The following NF1 variants were observed in gnomAD, a reference collection of about 807,000 sequenced individuals.
The protein encoded by NF1 is neurofibromin 1, also known as neurofibromin.
NF1 carries 122 observed loss-of-function variants against 325.7 expected under a neutral mutation model. The ratio of observed to expected loss-of-function variants is 0.37; its 90% CI spans 0.32 to 0.44. The LOEUF is 0.44. Ranked by LOEUF, NF1 falls within the 20% of genes least tolerant of loss-of-function variation. The probability of loss-of-function intolerance (pLI) is 1.00; values close to 1 mark genes in which losing one functional copy is unlikely to be tolerated. For missense variants in NF1, 2,140 were observed against 3,415.4 expected (o/e 0.63, Z 9.31); for synonymous variants, 1,091 against 1,186.0 (o/e 0.92, Z 1.65).
chr17:31,152,135 A>C (rs907115699), intron 1 of NF1, among the ~76,000 whole-genome samples: 14 of 150,394 alleles, frequency 9.3e-5, no homozygotes, highest in African/African-American at 3.2e-4. Context: ...TTGTTTTCTG[A>C]CATAAAATTT....
rs2143774913 is a variant in NF1 at position 31,181,501 on chromosome 17, C to G, written c.654+12C>G. The G allele has an allele frequency of 6.2e-7, 1 of 1,612,030 alleles. No individual in the cohort carries two copies. Among genetic ancestry groups the G allele is most frequent in the Non-Finnish European group, 8.5e-7 (1 of 1,178,390 alleles). ...ATAGCCTGGAAAAGGTAAGTTACAACCTCTCTGGTATTAAAATTTTGTTTT... is the reference window on the plus strand; with the variant it reads ...ATAGCCTGGAAAAGGTAAGTTACAAGCTCTCTGGTATTAAAATTTTGTTTT... On this transcript the variant is annotated intron_variant, in intron 6 of 57. Transcript: ENST00000358273.
At chr17:31,280,432 G>C (rs997018430) in intron 36 of NF1, among the ~76,000 whole-genome samples, 4 of 148,286 alleles carry the variant, frequency 2.7e-5, no homozygotes, top group African/African-American at 1.0e-4. Flanking sequence ...CAGGAGAATC[G>C]CTTGAACCCG....
At chr17:31,263,554 C>T (rs1320158929) in intron 35 of NF1, among the ~76,000 whole-genome samples, 2 of 150,758 alleles carry the variant, frequency 1.3e-5, no homozygotes, top group Admixed American at 6.6e-5. Context: ...CTGAGGACAT[C>T]CTAGCCATTT....
chr17:31,220,279 GT>G lies in NF1; in HGVS notation c.1641+1164del, dbSNP rs1203139601. ...ATGTTTATACATACCCAGTAAAAAT[GT>G]TTATAAAAATATTTTAGCACTTACT... On this transcript the variant is annotated intron_variant, in intron 14 of 57. Transcript: ENST00000358273. 5.9e-5 allele frequency among the ~76,000 whole-genome samples: 9 copies of G among 152,204 alleles called. No individual in the cohort carries two copies. The East Asian group carries it at 1.7e-3, about 29-fold the overall frequency.
chr17:31,165,994 G>C (rs1224036167), intron 4 of NF1, among the ~76,000 whole-genome samples: 1 of 152,134 alleles, frequency 6.6e-6, no homozygotes, highest in East Asian at 1.9e-4. Flanking sequence ...TGCCTGGCTG[G>C]CTATAAATCT....
intron 13 of NF1, among the ~76,000 whole-genome samples, chr17:31,215,577 C>T (rs908130837): frequency 6.6e-6 from 1 of 152,098 alleles, no homozygotes; most frequent in Non-Finnish European, 1.5e-5. Flanking sequence ...GGAACAATGC[C>T]TGGTGCATAA....
intron 36 of NF1, among the ~76,000 whole-genome samples, chr17:31,310,940 C>CTTTTTT (rs77429998): frequency 1.5e-5 from 2 of 130,892 alleles, no homozygotes; most frequent in Non-Finnish European, 3.3e-5. Context: ...AAGACATGTT[C>CTTTTTT]TTTTTTTTTT....
At chr17:31,237,656 C>CTTTTTTT (rs34107657) in intron 29 of NF1, among the ~76,000 whole-genome samples, 1 of 126,098 alleles carries the variant, frequency 7.9e-6, no homozygotes, top group African/African-American at 3.0e-5. Context: ...CTCATGTCTA[C>CTTTTTTT]TTTTTTTTTT....
intron 36 of NF1, chr17:31,318,606 T>C: frequency 6.2e-7 from 1 of 1,614,090 alleles, no homozygotes; most frequent in Middle Eastern, 1.7e-4. Context: ...TTAAGCAAAT[T>C]AGCATAGCCA....
At chr17:31,219,519 C>T (rs1008473046) in intron 14 of NF1, among the ~76,000 whole-genome samples, 3 of 151,638 alleles carry the variant, frequency 2.0e-5, no homozygotes, top group Non-Finnish European at 4.4e-5. Context: ...TTTTAGGTTA[C>T]ATGCGCACAA....
At chr17:31,183,532 T>C (rs1306969859) in intron 8 of NF1, 1 of 152,258 alleles carries the variant, frequency 6.6e-6, no homozygotes. Context: ...TTTTCCATTA[T>C]GAGGACACCA....
At chr17:31,135,395 T>A (rs764379972) in intron 1 of NF1, among the ~76,000 whole-genome samples, 21 of 152,286 alleles carry the variant, frequency 1.4e-4, no homozygotes, top group Non-Finnish European at 2.4e-4. Flanking sequence ...TTCTTAACTA[T>A]CAATATTTCT....
In NF1 at chr17:31,224,568, C is replaced by A. The variant is rs17883744; in HGVS notation, c.1846-527C>A. Among the ~76,000 whole-genome samples, 1,192 of 152,194 alleles carry A rather than the reference C, an allele frequency of 7.8e-3. 20 individuals carry two copies. Among genetic ancestry groups the A allele is most frequent in the African/African-American group, 0.027 (1,142 of 41,542 alleles). ...TAGACTTCAGACTTTCATGGCCTCG[C>A]CTATGGTATAATCTCCAGAATGTGA... is the stretch of plus-strand genomic sequence containing the variant. On this transcript the variant is annotated intron_variant, in intron 16 of 57. Coordinates refer to ENST00000358273, the MANE Select transcript of NF1 (RefSeq NM_001042492.3).
At position 31,336,679 on chromosome 17, in the gene NF1, T is replaced by C. The variant is rs765094377; in HGVS notation, c.6192T>C (p.Ser2064=). 6 of 1,613,772 alleles carry C rather than the reference T, an allele frequency of 3.7e-6. No individual in the cohort carries two copies. The highest frequency in any genetic ancestry group is 3.3e-5 in the Admixed American group (2 of 59,984). Residue 2064 remains serine (S), a synonymous_variant, in exon 42 of 58, where the codon TCT becomes TCC. Transcript: ENST00000358273. The surrounding 1 kb of genome is among the most constrained non-coding windows in gnomAD (Gnocchi z 5.5). The part of the protein sequence containing the change: ...MCKIIDKTCL[S]PTPTLEQHLM... ...AAATAATTGACAAGACATGCTTATCTCCAACTCCTACTTTAGAACAACATC... is the reference window on the plus strand; with the variant it reads ...AAATAATTGACAAGACATGCTTATCCCCAACTCCTACTTTAGAACAACATC...
In NF1 at chr17:31,357,566, CTT is replaced by C. The variant is rs1411149325; in HGVS notation, c.7970+200_7970+201del. On this transcript the variant is annotated intron_variant, in intron 54 of 57. Coordinates refer to ENST00000358273, the MANE Select transcript of NF1 (RefSeq NM_001042492.3). ...CTATTAGAAAGTTTATAAGGAAAGA[CTT>C]TTAAAAAATCTGGTTGATTTATTTA... 2.0e-5 allele frequency: 12 copies of C among 602,096 alleles called. No homozygotes were observed. The South Asian group carries it at 2.4e-4, about 12-fold the overall frequency. The allele number at this position is 602,096 out of a possible 1,614,324, so 37.3% of individuals were successfully genotyped here.
At position 31,335,290 on chromosome 17, in the gene NF1, A is replaced by ATATATATATATG. The variant is rs371429803; in HGVS notation, c.6006+265_6006+266insTATATGTATATA. Among the ~76,000 whole-genome samples the ATATATATATATG allele has an allele frequency of 3.6e-3, 256 of 71,636 alleles. 34 individuals are homozygous for ATATATATATATG. Among genetic ancestry groups the ATATATATATATG allele is most frequent in the South Asian group, 0.013 (25 of 1,938 alleles). 47.0% of individuals were successfully genotyped at this position (71,636 alleles called of 152,430 possible). A position where few individuals can be genotyped will look rare whatever the true frequency, so the allele number is the denominator to read the frequency against. On this transcript the variant is annotated intron_variant, in intron 40 of 57. Transcript: ENST00000358273. ...AAGGCATAATTATATATATATATAT[A>ATATATATATATG]TATATAATTATGCCTTGAAGGAGAC...
chr17:31,149,394 G>A (rs780171490), intron 1 of NF1, among the ~76,000 whole-genome samples: 1 of 152,018 alleles, frequency 6.6e-6, no homozygotes, highest in Non-Finnish European at 1.5e-5. Flanking sequence ...TGCCCCCTGG[G>A]TTGAAGCAAT....
At chr17:31,162,770 G>A (rs1467203134) in intron 3 of NF1, among the ~76,000 whole-genome samples, 1 of 152,188 alleles carries the variant, frequency 6.6e-6, no homozygotes, top group African/African-American at 2.4e-5. Flanking sequence ...AAGCAAGTGT[G>A]ATGGCTCACC....
intron 13 of NF1, among the ~76,000 whole-genome samples, chr17:31,217,599 C>G: frequency 6.6e-6 from 1 of 152,050 alleles, no homozygotes; most frequent in East Asian, 1.9e-4. Flanking sequence ...GCCACCATGC[C>G]TGGCCAAACC....
Sources: allele counts gnomAD v4.1 joint callset (sites outside exome capture counted in the v4.1 genomes callset), GRCh38; gene constraint gnomAD v4.1.1; non-coding constraint Gnocchi (gnomAD v3.1); transcripts MANE v1.5; gene names NCBI Gene and HGNC (gene_info 2026-07-23, HGNC 2026-07-21).